Variants in CFAP61 observed in about 807,000 individuals in gnomAD.
CFAP61 encodes the protein cilia- and flagella-associated protein 61.
A neutral mutation model predicts 135.6 loss-of-function variants in CFAP61; 107 were observed. The ratio of observed to expected loss-of-function variants is 0.79; its 90% confidence interval spans 0.67 to 0.93. The LOEUF (loss-of-function observed/expected upper bound fraction) is 0.93, where lower values mean the gene tolerates loss of function less well. CFAP61 is among the 40% of genes least tolerant of loss of function. The pLI is 0.00. For missense variants in CFAP61, 1,507 were observed against 1,556.2 expected (o/e 0.97, Z 0.53); for synonymous variants, 575 against 578.5 (o/e 0.99, Z 0.09).
chr20:20,118,556 G>A (rs2049361524), intron 8 of CFAP61, among the ~76,000 whole-genome samples: 2 of 151,796 alleles, frequency 1.3e-5, no homozygotes, highest in Admixed American at 1.3e-4. Context: ...GGCCAGGTTG[G>A]TCTCGAACTC....
intron 8 of CFAP61, among the ~76,000 whole-genome samples, chr20:20,134,841 T>C (rs1327253741): frequency 6.6e-6 from 1 of 152,198 alleles, no homozygotes; most frequent in African/African-American, 2.4e-5. Flanking sequence ...GTAGAGAGTT[T>C]GACTTTCCTA....
intron 25 of CFAP61, chr20:20,323,371 A>G: frequency 1.1e-6 from 1 of 936,426 alleles, no homozygotes; most frequent in Non-Finnish European, 1.3e-6. Context: ...CCTAAAAGCA[A>G]GTATGGAATT....
At chr20:20,111,411 C>G (rs748610138) in intron 8 of CFAP61, among the ~76,000 whole-genome samples, 17 of 152,096 alleles carry the variant, frequency 1.1e-4, no homozygotes, top group Non-Finnish European at 2.1e-4. Flanking sequence ...CTGGGCCTGC[C>G]GGGAAGTAGC....
At chr20:20,072,597 G>T (rs1204496981) in intron 3 of CFAP61, among the ~76,000 whole-genome samples, 1 of 152,072 alleles carries the variant, frequency 6.6e-6, no homozygotes, top group East Asian at 1.9e-4. Context: ...TTACCTTTCT[G>T]AAAATTATAA....
rs572009757 is a variant in CFAP61, at chr20:20,266,609, A to G, written c.2503+3479A>G. Among the ~76,000 whole-genome samples, 32 of 152,352 alleles carry G rather than the reference A, an allele frequency of 2.1e-4. No homozygotes were observed. The South Asian group carries it at 6.0e-3, about 29-fold the overall frequency. On this transcript the variant is annotated intron_variant, in intron 21 of 26. Coordinates refer to ENST00000245957, the MANE Select transcript of CFAP61 (RefSeq NM_015585.4). ...GATGGTCAATTGAGATGAAGACAAG[A>G]GAACCCTTGAATGAAATTGAAGCTA...
In CFAP61 at chr20:20,124,666, T is replaced by A. The variant is rs540022409; in HGVS notation, c.860-18191T>A. Among the ~76,000 whole-genome samples, 3 of 151,952 alleles carry A rather than the reference T, an allele frequency of 2.0e-5. No homozygotes were observed. In the South Asian group the frequency reaches 6.2e-4, roughly 31 times the overall value. Reference sequence around the variant, plus strand: ...TAGTTTTTTGTTAAGGATTTTGGCATCTATGTTCATCAAGGATATCAGTCT... The same window carrying A: ...TAGTTTTTTGTTAAGGATTTTGGCAACTATGTTCATCAAGGATATCAGTCT... On this transcript the variant is annotated intron_variant, in intron 8 of 26. Transcript: ENST00000245957.
At chr20:20,167,595 CT>C in intron 12 of CFAP61, among the ~76,000 whole-genome samples, 1 of 152,266 alleles carries the variant, frequency 6.6e-6, no homozygotes, top group South Asian at 2.1e-4. Flanking sequence ...ATCCTTAATC[CT>C]TCAAATCCAA....
chr20:20,171,902 G>T, intron 13 of CFAP61: 1 of 598,146 alleles, frequency 1.7e-6, no homozygotes. Context: ...AGCTAGCTCG[G>T]AGCACCGTAG....
chr20:20,059,648 T>C (rs1246983939), intron 2 of CFAP61, among the ~76,000 whole-genome samples: 1 of 151,792 alleles, frequency 6.6e-6, no homozygotes, highest in African/African-American at 2.4e-5. Flanking sequence ...AATAAAAAAT[T>C]ATAAAAATGA....
chr20:20,245,915 T>G (rs2050419700), intron 18 of CFAP61, among the ~76,000 whole-genome samples: 1 of 152,236 alleles, frequency 6.6e-6, no homozygotes, highest in South Asian at 2.1e-4. Flanking sequence ...TTTGGAAGAT[T>G]CTATAGTTAG....
chr20:20,292,774 C>G (rs1461685865), intron 24 of CFAP61, among the ~76,000 whole-genome samples: 1 of 152,138 alleles, frequency 6.6e-6, no homozygotes, highest in Admixed American at 6.5e-5. Context: ...CACGCAGTGG[C>G]TCTGGGCTCC....
intron 19 of CFAP61, among the ~76,000 whole-genome samples, chr20:20,247,671 A>G (rs938701669): frequency 6.6e-6 from 1 of 152,222 alleles, no homozygotes; most frequent in African/African-American, 2.4e-5. Context: ...ACGTGCTGTG[A>G]TGCTCCAGCC....
In CFAP61 at chr20:20,142,845, CT is replaced by C; in HGVS notation, c.860-10del. On this transcript the variant is annotated splice_polypyrimidine_tract_variant and intron_variant, in intron 8 of 26. Transcript: ENST00000245957. ...TCTATTTTCTGTCATTATTCTATCC[CT>C]TCTCTCAAAGATGCTGAGCTCAGGA... The C allele has an allele frequency of 6.6e-7, 1 of 1,519,238 alleles. No homozygotes were observed. Among genetic ancestry groups the C allele is most frequent in the Non-Finnish European group, 9.1e-7 (1 of 1,100,614 alleles). The allele number at this position is 1,519,238 out of a possible 1,614,324, so 94.1% of individuals were successfully genotyped here.
In CFAP61 at chr20:20,084,401, C is replaced by CCTGCTGCTGCTG. The variant is rs3060422; in HGVS notation, c.567-6415_567-6404dup. Among the ~76,000 whole-genome samples the CCTGCTGCTGCTG allele has an allele frequency of 3.1e-3, 470 of 150,808 alleles. 4 individuals carry two copies. Among genetic ancestry groups the CCTGCTGCTGCTG allele is most frequent in the African/African-American group, 0.011 (456 of 41,028 alleles). On this transcript the variant is annotated intron_variant, in intron 6 of 26. Coordinates refer to ENST00000245957, the MANE Select transcript of CFAP61 (RefSeq NM_015585.4). ...GCCAGGATTCTGGATGCGGAGGTGG[C>CCTGCTGCTGCTG]CTGCTGCTGCTGCTGCTGCTGCTGC...
intron 8 of CFAP61, among the ~76,000 whole-genome samples, chr20:20,118,621 G>A (rs1233559886): frequency 6.6e-6 from 1 of 152,068 alleles, no homozygotes; most frequent in African/African-American, 2.4e-5. Context: ...GATTACAGGT[G>A]TGAACCACTG....
intron 11 of CFAP61, among the ~76,000 whole-genome samples, 192 bp from the exon 12 acceptor site, chr20:20,166,205 C>A (rs1374522843): frequency 1.3e-5 from 2 of 152,206 alleles, no homozygotes; most frequent in African/African-American, 4.8e-5. Context: ...GCCTTCAGTT[C>A]TGCAGAATAC....
At chr20:20,166,373 C>T in intron 11 of CFAP61, 24 bp from the exon 12 acceptor site, 2 of 1,609,926 alleles carry the variant, frequency 1.2e-6, no homozygotes, top group Non-Finnish European at 1.7e-6. Flanking sequence ...AGGGCACTGA[C>T]AGTGCTTACT....
At chr20:20,342,748 CT>C (rs2058492394) in intron 26 of CFAP61, among the ~76,000 whole-genome samples, 1 of 152,252 alleles carries the variant, frequency 6.6e-6, no homozygotes, top group African/African-American at 2.4e-5. Flanking sequence ...GCGTGCCCCA[CT>C]TAATCACAGC....
chr20:20,282,790 T>C (rs1014219148), intron 22 of CFAP61, among the ~76,000 whole-genome samples: 2 of 151,968 alleles, frequency 1.3e-5, no homozygotes, highest in Non-Finnish European at 2.9e-5. Context: ...CATATGAAAA[T>C]TAGCCAGGCA....
Sources: gnomAD v4.1 joint callset for allele counts (sites outside exome capture counted in the v4.1 genomes callset) on GRCh38, gnomAD v4.1.1 for gene constraint, MANE v1.5 for transcripts, NCBI Gene and HGNC (gene_info 2026-07-23, HGNC 2026-07-21) for gene names.